Variants in CADM2 observed in about 807,000 individuals in gnomAD.
CADM2 encodes the protein immunoglobulin superfamily member 4D.
A neutral mutation model predicts 49.8 loss-of-function variants in CADM2; 12 were observed. That is an observed-to-expected ratio of 0.24 (90% CI 0.15 to 0.39). The LOEUF (loss-of-function observed/expected upper bound fraction) is 0.39, where lower values mean the gene tolerates loss of function less well. Among genes scored for constraint, CADM2 ranks in the 10% least tolerant of loss-of-function variants. CADM2 has a pLI of 1.00. For missense variants in CADM2, 378 were observed against 492.3 expected, an observed-to-expected ratio of 0.77 and a Z score of 2.20; for synonymous variants, 214 against 175.4, an observed-to-expected ratio of 1.22 and a Z score of -1.74.
intron 1 of CADM2, among the ~76,000 whole-genome samples, chr3:85,087,478 G>A (rs562331080): frequency 1.3e-5 from 2 of 152,104 alleles, no homozygotes; most frequent in South Asian, 4.1e-4. Context: ...TAATCTTCCA[G>A]GATTACCCTT....
chr3:84,978,589 A>T (rs1223579601), intron 1 of CADM2, among the ~76,000 whole-genome samples: 1 of 152,194 alleles, frequency 6.6e-6, no homozygotes, highest in Non-Finnish European at 1.5e-5. Context: ...ACCAGTGTTC[A>T]TTTAAAACAA....
intron 1 of CADM2, among the ~76,000 whole-genome samples, chr3:85,043,482 C>T (rs2035525935): frequency 6.6e-6 from 1 of 151,496 alleles, no homozygotes; most frequent in African/African-American, 2.4e-5. Context: ...GAGTTTGAGA[C>T]CAACATGGGC....
intron 1 of CADM2, among the ~76,000 whole-genome samples, chr3:85,393,527 G>A (rs1174215412): frequency 6.6e-6 from 1 of 152,128 alleles, no homozygotes; most frequent in Non-Finnish European, 1.5e-5. Flanking sequence ...TTATCTTAAA[G>A]TTATAAGCTC....
chr3:85,376,904 T>G (rs1247860062), intron 1 of CADM2, among the ~76,000 whole-genome samples: 3 of 152,124 alleles, frequency 2.0e-5, no homozygotes, highest in Non-Finnish European at 2.9e-5. Flanking sequence ...GATTGTGTTT[T>G]AAATATCATG....
chr3:85,246,779 T>A (rs1193004437), intron 1 of CADM2, among the ~76,000 whole-genome samples: 1 of 152,104 alleles, frequency 6.6e-6, no homozygotes, highest in African/African-American at 2.4e-5. Flanking sequence ...TATCAGTGGG[T>A]AAAAATCTCA....
At chr3:85,736,293 G>A (rs1164742468) in intron 2 of CADM2, among the ~76,000 whole-genome samples, 1 of 152,112 alleles carries the variant, frequency 6.6e-6, no homozygotes, top group Non-Finnish European at 1.5e-5. Flanking sequence ...ATTACTATAC[G>A]ATATATAAAT....
At chr3:85,609,224 G>A (rs2063614493) in intron 1 of CADM2, among the ~76,000 whole-genome samples, 1 of 152,024 alleles carries the variant, frequency 6.6e-6, no homozygotes, top group African/African-American at 2.4e-5. Flanking sequence ...TAAGATTTGA[G>A]TTCTTGTACT....
chr3:85,633,514 A>G (rs2064372187), intron 1 of CADM2, among the ~76,000 whole-genome samples: 1 of 152,078 alleles, frequency 6.6e-6, no homozygotes, highest in Admixed American at 6.6e-5. Context: ...AAACAATACT[A>G]ATGTCCAGGC....
intron 3 of CADM2, among the ~76,000 whole-genome samples, chr3:85,878,888 A>G (rs950977580): frequency 2.0e-5 from 3 of 152,006 alleles, no homozygotes; most frequent in African/African-American, 7.2e-5. Flanking sequence ...TGTTAGGGGA[A>G]ATGAAATTGA....
chr3:85,799,414 A>T (rs896950060), intron 2 of CADM2, among the ~76,000 whole-genome samples: 8 of 152,148 alleles, frequency 5.3e-5, no homozygotes, highest in African/African-American at 1.9e-4. Flanking sequence ...GGTTTGCCAT[A>T]AGTAGCTCTT....
chr3:85,338,235 C>T (rs559593451), intron 1 of CADM2, among the ~76,000 whole-genome samples: 3 of 151,538 alleles, frequency 2.0e-5, no homozygotes, highest in Non-Finnish European at 4.4e-5. Flanking sequence ...ACTTGTGTGT[C>T]CCATATCACA....
chr3:85,994,981 T>G (rs1488972926), intron 8 of CADM2, among the ~76,000 whole-genome samples: 5 of 132,762 alleles, frequency 3.8e-5, no homozygotes, highest in Non-Finnish European at 6.1e-5. Flanking sequence ...GCCGACTAGG[T>G]CAATGCAGGG....
At chr3:85,533,098 C>G (rs908656624) in intron 1 of CADM2, among the ~76,000 whole-genome samples, 3 of 152,072 alleles carry the variant, frequency 2.0e-5, no homozygotes, top group Non-Finnish European at 2.9e-5. Context: ...CAGTAAACCC[C>G]CATGACACAA....
chr3:85,306,981 T>G (rs189208360), intron 1 of CADM2, among the ~76,000 whole-genome samples: 1 of 151,622 alleles, frequency 6.6e-6, no homozygotes, highest in East Asian at 1.9e-4. Context: ...TAACTGTTAC[T>G]CCCTTTATCC....
chr3:85,244,540 TTTAGTTATGTTTA>T (rs2042606427), intron 1 of CADM2, among the ~76,000 whole-genome samples: 1 of 152,202 alleles, frequency 6.6e-6, no homozygotes, highest in South Asian at 2.1e-4. Flanking sequence ...CAGAAATACC[TTTAGTTATGTTTA>T]TAACAATTTA....
At chr3:85,220,344 T>A (rs1275004985) in intron 1 of CADM2, among the ~76,000 whole-genome samples, 1 of 152,138 alleles carries the variant, frequency 6.6e-6, no homozygotes, top group Non-Finnish European at 1.5e-5. Context: ...TGGTGACATG[T>A]TTCCTCAGGA....
At chr3:85,317,870 A>C (rs1469538329) in intron 1 of CADM2, among the ~76,000 whole-genome samples, 1 of 152,242 alleles carries the variant, frequency 6.6e-6, no homozygotes, top group Non-Finnish European at 1.5e-5. Flanking sequence ...TAACAGAGCA[A>C]TATGAAAGAG....
At chr3:85,411,191 AAT>A (rs1043979004) in intron 1 of CADM2, among the ~76,000 whole-genome samples, 1 of 152,172 alleles carries the variant, frequency 6.6e-6, no homozygotes, top group Non-Finnish European at 1.5e-5. Flanking sequence ...GTGAAAAAGC[AAT>A]ATGACTTCAG....
At chr3:85,336,207 T>A (rs528488026) in intron 1 of CADM2, among the ~76,000 whole-genome samples, 8 of 151,526 alleles carry the variant, frequency 5.3e-5, no homozygotes, top group Admixed American at 2.6e-4. Context: ...CATTGCCAAG[T>A]GGAACCCCAT....
Sources: allele counts gnomAD v4.1 joint callset (sites outside exome capture counted in the v4.1 genomes callset), GRCh38; gene constraint gnomAD v4.1.1; transcripts MANE v1.5; gene names NCBI Gene and HGNC (gene_info 2026-07-23, HGNC 2026-07-21).